Variants in ALK observed in about 807,000 individuals in gnomAD.
ALK encodes the protein ALK receptor tyrosine kinase.
In ALK, 74 loss-of-function variants were observed where a neutral mutation model predicts 163.1. That is an observed-to-expected ratio of 0.45 (90% confidence interval 0.38 to 0.55). The LOEUF (loss-of-function observed/expected upper bound fraction) is 0.55, where lower values mean the gene tolerates loss of function less well. ALK is among the 20% of genes least tolerant of loss of function. The pLI is 0.00. For synonymous variants in ALK, 960 were observed against 843.2 expected (o/e 1.14, Z -2.40); for missense variants, 2,063 against 2,105.3 (o/e 0.98, Z 0.39).
chr2:29,749,996 G>A (rs1680310175), intron 1 of ALK, among the ~76,000 whole-genome samples: 1 of 152,200 alleles, frequency 6.6e-6, no homozygotes, highest in Admixed American at 6.5e-5. Flanking sequence ...GGCTAATGAG[G>A]GCTCCCTGCC....
chr2:29,239,306 T>C (rs1044878501), intron 13 of ALK, among the ~76,000 whole-genome samples: 1 of 152,092 alleles, frequency 6.6e-6, no homozygotes, highest in Non-Finnish European at 1.5e-5. Flanking sequence ...TGTTCTCAAA[T>C]AAGTTTCTGG....
chr2:29,895,912 G>C (rs1404561457), intron 1 of ALK, among the ~76,000 whole-genome samples: 2 of 152,188 alleles, frequency 1.3e-5, no homozygotes, highest in Non-Finnish European at 2.9e-5. Context: ...ATGGGTCTGT[G>C]TTTTTCCCTG....
intron 4 of ALK, among the ~76,000 whole-genome samples, chr2:29,526,696 C>G (rs1573430179): frequency 1.3e-5 from 2 of 152,192 alleles, no homozygotes; most frequent in Non-Finnish European, 2.9e-5. Context: ...ATCATGCAGG[C>G]AAGATTCGAA....
At chr2:29,462,273 C>T (rs1452438487) in intron 4 of ALK, among the ~76,000 whole-genome samples, 3 of 152,122 alleles carry the variant, frequency 2.0e-5, no homozygotes, top group Non-Finnish European at 4.4e-5. Context: ...AAAGCAGTAG[C>T]AGGGTTTGAG....
At chr2:29,219,527 A>AGTCT (rs1477640423) in intron 23 of ALK, among the ~76,000 whole-genome samples, 1 of 152,096 alleles carries the variant, frequency 6.6e-6, no homozygotes, top group African/African-American at 2.4e-5. Context: ...TTACTGTGCA[A>AGTCT]GTCTTCCTTG....
intron 3 of ALK, among the ~76,000 whole-genome samples, chr2:29,613,678 T>C (rs1392131926): frequency 6.6e-6 from 1 of 152,200 alleles, no homozygotes; most frequent in Non-Finnish European, 1.5e-5. Context: ...TCTTAAACAC[T>C]AGGTAGAGCA....
chr2:29,745,240 A>C (rs1680180476), intron 1 of ALK, among the ~76,000 whole-genome samples: 1 of 152,178 alleles, frequency 6.6e-6, no homozygotes, highest in Non-Finnish European at 1.5e-5. Flanking sequence ...AGATCATCTA[A>C]TTTGCCTAAA....
At chr2:29,593,281 A>G (rs1272617416) in intron 3 of ALK, among the ~76,000 whole-genome samples, 1 of 152,178 alleles carries the variant, frequency 6.6e-6, no homozygotes, top group African/African-American at 2.4e-5. Context: ...GTCCCAGAAG[A>G]GGGATGGCTG....
intron 2 of ALK, among the ~76,000 whole-genome samples, chr2:29,702,857 G>A (rs1038777140): frequency 6.6e-6 from 1 of 152,204 alleles, no homozygotes; most frequent in African/African-American, 2.4e-5. Flanking sequence ...ATTCAATTAC[G>A]TCCCACTGGG....
At chr2:29,253,759 G>A (rs530236882) in intron 11 of ALK, among the ~76,000 whole-genome samples, 2 of 152,130 alleles carry the variant, frequency 1.3e-5, no homozygotes, top group East Asian at 3.9e-4. Context: ...TGGGTGTGGG[G>A]GTGGCCTTAT....
At chr2:29,583,782 T>A (rs892841596) in intron 3 of ALK, among the ~76,000 whole-genome samples, 1 of 152,244 alleles carries the variant, frequency 6.6e-6, no homozygotes. Context: ...ACAGGGTAAG[T>A]AGCCGGCATA....
intron 1 of ALK, among the ~76,000 whole-genome samples, chr2:29,761,900 TA>T (rs1680714499): frequency 6.6e-6 from 1 of 152,236 alleles, no homozygotes; most frequent in Admixed American, 6.5e-5. Flanking sequence ...GTATCTAATT[TA>T]GATGGTTTAT....
chr2:29,731,344 T>C (rs928830001), intron 1 of ALK, among the ~76,000 whole-genome samples: 1 of 152,214 alleles, frequency 6.6e-6, no homozygotes, highest in African/African-American at 2.4e-5. Context: ...CTGGCCAAGA[T>C]GGCTTGGCTT....
intron 4 of ALK, among the ~76,000 whole-genome samples, chr2:29,412,613 T>C (rs775166074): frequency 6.6e-6 from 1 of 152,198 alleles, no homozygotes; most frequent in African/African-American, 2.4e-5. Flanking sequence ...CTTATCTAGT[T>C]TGAAAATTTT....
In ALK at chr2:29,702,088, A is replaced by G. The variant is rs889817585; in HGVS notation, c.788-7074T>C. On this transcript the variant is annotated intron_variant, in intron 2 of 28. Coordinates refer to ENST00000389048, the MANE Select transcript of ALK (RefSeq NM_004304.5). ...GACAGCCACTGACTCTGAAAGTATCACCTAAAGGCAATGCCAACCTTACTG... is the reference window on the plus strand; with the variant it reads ...GACAGCCACTGACTCTGAAAGTATCGCCTAAAGGCAATGCCAACCTTACTG... 2.6e-5 allele frequency among the ~76,000 whole-genome samples: 4 copies of G among 152,152 alleles called. No homozygotes were observed. The East Asian group carries it at 7.8e-4, about 29-fold the overall frequency.
intron 3 of ALK, among the ~76,000 whole-genome samples, chr2:29,656,247 A>G (rs1397428752): frequency 1.3e-5 from 2 of 152,182 alleles, no homozygotes; most frequent in Non-Finnish European, 2.9e-5. Context: ...TCTATGATAA[A>G]GCCCAGCTTT....
chr2:29,362,616 T>C (rs1668412063), intron 5 of ALK, among the ~76,000 whole-genome samples: 1 of 152,194 alleles, frequency 6.6e-6, no homozygotes, highest in Non-Finnish European at 1.5e-5. Context: ...ACTCACTCTG[T>C]GGCTTTGTTG....
chr2:29,315,468 T>C (rs1297285332), intron 8 of ALK, among the ~76,000 whole-genome samples: 5 of 152,106 alleles, frequency 3.3e-5, no homozygotes, highest in Non-Finnish European at 7.3e-5. Context: ...ATCACGCTAT[T>C]TGGGGCCACA....
At chr2:29,877,286 C>T (rs1310094995) in intron 1 of ALK, among the ~76,000 whole-genome samples, 1 of 152,206 alleles carries the variant, frequency 6.6e-6, no homozygotes, top group East Asian at 1.9e-4. Context: ...TCCAGATATC[C>T]TCATGGCTCT....
Sources: allele counts gnomAD v4.1 joint callset (sites outside exome capture counted in the v4.1 genomes callset), GRCh38; gene constraint gnomAD v4.1.1; transcripts MANE v1.5; gene names NCBI Gene and HGNC (gene_info 2026-07-23, HGNC 2026-07-21).